The following IMMP2L variants were observed in gnomAD, a reference collection of about 807,000 sequenced individuals.
The protein encoded by IMMP2L is inner mitochondrial membrane peptidase subunit 2.
In IMMP2L, 18 loss-of-function variants were observed where a neutral mutation model predicts 19.3. The observed-to-expected ratio is 0.93, with a 90% CI of 0.64 to 1.38. IMMP2L has a LOEUF of 1.38. Among genes scored for constraint, IMMP2L ranks in the 40% most tolerant of loss-of-function variants. IMMP2L has a pLI of 0.00. For synonymous variants in IMMP2L, 76 were observed against 73.0 expected (o/e 1.04, Z -0.21); for missense variants, 233 against 218.2 (o/e 1.07, Z -0.43).
intron 3 of IMMP2L, among the ~76,000 whole-genome samples, chr7:111,223,953 C>G (rs1812795286): frequency 6.6e-6 from 1 of 151,944 alleles, no homozygotes; most frequent in South Asian, 2.1e-4. Flanking sequence ...GCTACATAGA[C>G]TAGGGAAAAA....
chr7:111,207,858 A>C (rs1159529863), intron 3 of IMMP2L, among the ~76,000 whole-genome samples: 1 of 152,102 alleles, frequency 6.6e-6, no homozygotes, highest in Non-Finnish European at 1.5e-5. Context: ...TTCTATTCTA[A>C]AATATTAATT....
At chr7:110,735,116 C>G (rs956271270) in intron 5 of IMMP2L, among the ~76,000 whole-genome samples, 21 of 152,064 alleles carry the variant, frequency 1.4e-4, no homozygotes, top group Admixed American at 5.2e-4. Context: ...AACCGACATG[C>G]CTGCAACAGA....
At chr7:111,075,429 TG>T (rs1795318387) in intron 3 of IMMP2L, among the ~76,000 whole-genome samples, 1 of 152,104 alleles carries the variant, frequency 6.6e-6, no homozygotes, top group Admixed American at 6.5e-5. Context: ...CACCCGACCT[TG>T]TTTACAGACA....
chr7:110,745,280 T>G (rs1797258024), intron 5 of IMMP2L, among the ~76,000 whole-genome samples: 1 of 152,154 alleles, frequency 6.6e-6, no homozygotes, highest in African/African-American at 2.4e-5. Flanking sequence ...GTTTGATTGG[T>G]GTACCTGAAA....
intron 4 of IMMP2L, chr7:110,963,138 TAGTTA>T: frequency 6.9e-7 from 1 of 1,453,800 alleles, no homozygotes; most frequent in South Asian, 1.4e-5. Flanking sequence ...GCTTCTAAAA[TAGTTA>T]AATGTTCTTG....
chr7:110,669,936 T>C (rs1791775561), intron 5 of IMMP2L, among the ~76,000 whole-genome samples: 1 of 152,234 alleles, frequency 6.6e-6, no homozygotes, highest in Admixed American at 6.5e-5. Context: ...TCAATACTGC[T>C]AGGTCCCACG....
At chr7:110,779,441 T>C (rs772784578) in intron 5 of IMMP2L, among the ~76,000 whole-genome samples, 1 of 151,918 alleles carries the variant, frequency 6.6e-6, no homozygotes, top group Admixed American at 6.6e-5. Flanking sequence ...ATTTGAACAA[T>C]GGAGGTTTAG....
intron 3 of IMMP2L, among the ~76,000 whole-genome samples, chr7:111,400,057 C>T (rs1833275941): frequency 6.6e-6 from 1 of 151,946 alleles, no homozygotes; most frequent in Admixed American, 6.6e-5. Context: ...GAATGTGATA[C>T]CTCTCCTGTG....
At chr7:111,376,583 A>T (rs1830695367) in intron 3 of IMMP2L, among the ~76,000 whole-genome samples, 1 of 152,146 alleles carries the variant, frequency 6.6e-6, no homozygotes. Context: ...ACAGTTATTC[A>T]AAAATTTGCA....
chr7:110,855,558 G>C (rs903157815), intron 5 of IMMP2L, among the ~76,000 whole-genome samples: 1 of 151,820 alleles, frequency 6.6e-6, no homozygotes, highest in East Asian at 1.9e-4. Context: ...AACCATTCTG[G>C]GCAGAAGCAG....
chr7:111,523,597 T>A (rs1229587833), intron 1 of IMMP2L, among the ~76,000 whole-genome samples: 1 of 152,112 alleles, frequency 6.6e-6, no homozygotes, highest in East Asian at 1.9e-4. Flanking sequence ...TTTATACTTT[T>A]ATCAACATAT....
intron 3 of IMMP2L, among the ~76,000 whole-genome samples, chr7:111,243,681 C>T (rs1241852142): frequency 3.2e-4 from 33 of 103,226 alleles, no homozygotes; most frequent in Admixed American, 6.3e-4. Context: ...CCGACCCCAC[C>T]ACAGTCCCCA....
intron 3 of IMMP2L, among the ~76,000 whole-genome samples, chr7:111,229,598 T>C (rs1813500812): frequency 1.3e-5 from 2 of 152,050 alleles, no homozygotes; most frequent in Admixed American, 1.3e-4. Context: ...GTTTAAGTGA[T>C]TGTGTGGTTT....
chr7:111,509,709 G>A (rs999914275), intron 2 of IMMP2L, among the ~76,000 whole-genome samples: 3 of 151,986 alleles, frequency 2.0e-5, no homozygotes, highest in Admixed American at 1.3e-4. Flanking sequence ...TATGAGTCAT[G>A]AGCAAAAAGG....
At chr7:111,065,919 C>CAT (rs59048173) in intron 3 of IMMP2L, among the ~76,000 whole-genome samples, 5 of 149,346 alleles carry the variant, frequency 3.3e-5, no homozygotes, top group African/African-American at 1.0e-4. Flanking sequence ...TGTGTGCGCG[C>CAT]GCGTGTATGC....
At chr7:110,812,099 TG>T (rs1392690249) in intron 5 of IMMP2L, among the ~76,000 whole-genome samples, 1 of 152,070 alleles carries the variant, frequency 6.6e-6, no homozygotes, top group African/African-American at 2.4e-5. Context: ...TATCCACATA[TG>T]TATATATACA....
At chr7:111,372,206 T>C (rs1408929730) in intron 3 of IMMP2L, among the ~76,000 whole-genome samples, 3 of 151,984 alleles carry the variant, frequency 2.0e-5, no homozygotes, top group Admixed American at 6.6e-5. Flanking sequence ...GTGATTATTA[T>C]ACATTGCATA....
At chr7:110,733,105 G>T (rs1466872631) in intron 5 of IMMP2L, among the ~76,000 whole-genome samples, 2 of 152,160 alleles carry the variant, frequency 1.3e-5, no homozygotes, top group African/African-American at 4.8e-5. Context: ...TACCTTATCA[G>T]TTAAGATTGG....
At chr7:111,042,132 A>G (rs1307414184) in intron 3 of IMMP2L, among the ~76,000 whole-genome samples, 2 of 152,148 alleles carry the variant, frequency 1.3e-5, no homozygotes, top group Non-Finnish European at 2.9e-5. Flanking sequence ...ACATATTTGT[A>G]AAGTTGCATG....
Sources: allele counts gnomAD v4.1 joint callset (sites outside exome capture counted in the v4.1 genomes callset), GRCh38; gene constraint gnomAD v4.1.1; transcripts MANE v1.5; gene names NCBI Gene and HGNC (gene_info 2026-07-23, HGNC 2026-07-21).